The following FRMD4B variants were observed in gnomAD, a reference collection of about 807,000 sequenced individuals.
FRMD4B encodes FERM domain-containing protein 4B.
Under a neutral mutation model 141.5 loss-of-function variants are expected in FRMD4B, and 74 were observed. The ratio of observed to expected loss-of-function variants is 0.52; its 90% CI spans 0.43 to 0.63. The LOEUF (loss-of-function observed/expected upper bound fraction) is 0.63. FRMD4B is among the 30% of genes least tolerant of loss of function. The pLI, the probability that FRMD4B is intolerant of heterozygous loss-of-function variation, is 0.00. For missense variants in FRMD4B, 1,366 were observed against 1,253.4 expected (o/e 1.09, Z -1.36); for synonymous variants, 506 against 467.9 (o/e 1.08, Z -1.05).
Position 69,253,181 on chromosome 3 carries a change from C to CTTT in FRMD4B, c.502-3083_502-3082insAAA, listed in dbSNP as rs781662739. On this transcript the variant is annotated intron_variant, in intron 5 of 22. Transcript: ENST00000398540. ...AGGGAAATTAGTGAAAATATGATTC[C>CTTT]TATTTTTTTTTTTTTTTTTTTTTGC... 8.0e-4 allele frequency among the ~76,000 whole-genome samples: 98 copies of CTTT among 121,930 alleles called. 10 individuals carry two copies. Among genetic ancestry groups the CTTT allele is most frequent in the African/African-American group, 8.9e-4 (29 of 32,574 alleles). 80.0% of individuals were successfully genotyped at this position (121,930 alleles called of 152,430 possible).
intron 2 of FRMD4B, among the ~76,000 whole-genome samples, chr3:69,419,284 C>T (rs1474557567): frequency 6.6e-6 from 1 of 152,122 alleles, no homozygotes. Flanking sequence ...GGCTCACATA[C>T]CTGATCAGCC....
chr3:69,333,417 A>G (rs1470580074), intron 1 of FRMD4B, among the ~76,000 whole-genome samples: 1 of 152,200 alleles, frequency 6.6e-6, no homozygotes, highest in Admixed American at 6.5e-5. Flanking sequence ...AACCTGGAAA[A>G]GTCAAATGAG....
intron 1 of FRMD4B, among the ~76,000 whole-genome samples, chr3:69,455,976 T>A (rs1297133291): frequency 6.6e-6 from 1 of 152,132 alleles, no homozygotes; most frequent in Non-Finnish European, 1.5e-5. Flanking sequence ...TGCCATCAGT[T>A]CCATTTTGCT....
At chr3:69,265,252 C>T (rs1485107466) in intron 5 of FRMD4B, among the ~76,000 whole-genome samples, 1 of 17,996 alleles carries the variant, frequency 5.6e-5, no homozygotes. Flanking sequence ...GAGACTCCAT[C>T]TCAAAAAAAA....
At chr3:69,384,460 A>C (rs565229683) in intron 1 of FRMD4B, among the ~76,000 whole-genome samples, 10 of 152,338 alleles carry the variant, frequency 6.6e-5, no homozygotes, top group Admixed American at 4.6e-4. Flanking sequence ...TCTACAGACC[A>C]AACTGAACAG....
chr3:69,309,045 G>A lies in FRMD4B; in HGVS notation c.323+2218C>T, dbSNP rs550045505. 2.6e-5 allele frequency among the ~76,000 whole-genome samples: 4 copies of A among 152,248 alleles called. No individual in the cohort carries two copies. In the South Asian group the frequency reaches 6.2e-4, roughly 24 times the overall value. On this transcript the variant is annotated intron_variant, in intron 3 of 22. Coordinates refer to ENST00000398540, the MANE Select transcript of FRMD4B (RefSeq NM_015123.3). ...TGCAATATGAGCTCCATAAAAGCAG[G>A]GGCCTTGTCTGTGTTACTCCTAGCT...
At chr3:69,525,820 GT>G (rs1414518224) in intron 1 of FRMD4B, among the ~76,000 whole-genome samples, 2 of 149,686 alleles carry the variant, frequency 1.3e-5, no homozygotes, top group African/African-American at 5.0e-5. Context: ...GCCTGGCTAA[GT>G]TTTGTATTTT....
At chr3:69,352,493 T>C (rs1159304596) in intron 1 of FRMD4B, among the ~76,000 whole-genome samples, 1 of 152,192 alleles carries the variant, frequency 6.6e-6, no homozygotes, top group Non-Finnish European at 1.5e-5. Flanking sequence ...CAGACTTCCT[T>C]CTATCCCCAG....
At chr3:69,272,336 A>C (rs1027582087) in intron 5 of FRMD4B, among the ~76,000 whole-genome samples, 4 of 152,022 alleles carry the variant, frequency 2.6e-5, no homozygotes, top group Admixed American at 2.6e-4. Context: ...GAGATGGTTA[A>C]ATTTTGTATT....
intron 11 of FRMD4B, among the ~76,000 whole-genome samples, chr3:69,203,320 CAAAAAAAAAA>C (rs796607832): frequency 2.8e-5 from 3 of 107,898 alleles, no homozygotes; most frequent in African/African-American, 1.1e-4. Flanking sequence ...CAAACTTCAG[CAAAAAAAAAA>C]AAAAAAAAAA....
At chr3:69,302,545 A>G in intron 3 of FRMD4B, 110 bp from the exon 4 acceptor site, 2 of 708,244 alleles carry the variant, frequency 2.8e-6, no homozygotes, top group Non-Finnish European at 5.1e-6. Flanking sequence ...CACCGATGGT[A>G]GGAGCACAAC....
chr3:69,509,703 T>G (rs1007572824), intron 1 of FRMD4B, among the ~76,000 whole-genome samples: 5 of 152,118 alleles, frequency 3.3e-5, no homozygotes, highest in African/African-American at 1.2e-4. Flanking sequence ...ACTTCACAGA[T>G]ATTAATTTTT....
intron 1 of FRMD4B, among the ~76,000 whole-genome samples, chr3:69,508,650 T>C (rs1310047983): frequency 6.6e-6 from 1 of 152,190 alleles, no homozygotes; most frequent in East Asian, 1.9e-4. Context: ...ATTAAAAGGA[T>C]AAAAGGTAAG....
At chr3:69,182,015 AAAAAACAAAAAC>A (rs958517284) in intron 20 of FRMD4B, among the ~76,000 whole-genome samples, 3 of 151,964 alleles carry the variant, frequency 2.0e-5, no homozygotes, top group Non-Finnish European at 4.4e-5. Flanking sequence ...AGCCTGGAAA[AAAAAACAAAAAC>A]AAAAACAAAA....
chr3:69,339,118 A>C (rs1197737087), intron 1 of FRMD4B, among the ~76,000 whole-genome samples: 2 of 152,138 alleles, frequency 1.3e-5, no homozygotes, highest in African/African-American at 4.8e-5. Flanking sequence ...AGCCTGCTTC[A>C]GGTCATGGTG....
intron 1 of FRMD4B, among the ~76,000 whole-genome samples, chr3:69,454,011 G>T (rs1378090878): frequency 1.3e-5 from 2 of 152,154 alleles, no homozygotes; most frequent in East Asian, 3.9e-4. Flanking sequence ...CTGCACCCAT[G>T]TTTGCCTCCT....
intron 1 of FRMD4B, among the ~76,000 whole-genome samples, chr3:69,485,673 T>C (rs1163045460): frequency 1.3e-5 from 2 of 152,158 alleles, no homozygotes; most frequent in Non-Finnish European, 2.9e-5. Flanking sequence ...GGGTTGGGGA[T>C]CCAGGTCCTT....
chr3:69,258,467 C>A (rs1438309479), intron 5 of FRMD4B, among the ~76,000 whole-genome samples: 2 of 152,010 alleles, frequency 1.3e-5, no homozygotes, highest in Non-Finnish European at 2.9e-5. Context: ...CAAATCAATA[C>A]AATTATTTTG....
intron 2 of FRMD4B, among the ~76,000 whole-genome samples, chr3:69,426,091 T>G (rs1455067877): frequency 1.3e-5 from 2 of 152,216 alleles, no homozygotes; most frequent in Non-Finnish European, 2.9e-5. Context: ...TCTAAGCAAG[T>G]GCTAATTTTA....
Sources: allele counts gnomAD v4.1 joint callset (sites outside exome capture counted in the v4.1 genomes callset), GRCh38; gene constraint gnomAD v4.1.1; transcripts MANE v1.5; gene names NCBI Gene and HGNC (gene_info 2026-07-23, HGNC 2026-07-21).